The following NAV3 variants were observed in gnomAD, a reference collection of about 807,000 sequenced individuals.
The protein encoded by NAV3 is neuron navigator 3, also known as pore membrane and/or filament interacting like protein 1.
Under a neutral mutation model 244.7 loss-of-function variants are expected in NAV3, and 87 were observed. The observed-to-expected ratio is 0.36, with a 90% confidence interval of 0.30 to 0.42. The LOEUF is 0.42. NAV3 is among the 20% of genes least tolerant of loss of function. The pLI, the probability that NAV3 is intolerant of heterozygous loss-of-function variation, is 1.00. For missense variants in NAV3, 2,663 were observed against 2,893.3 expected (o/e 0.92, Z 1.83); for synonymous variants, 1,126 against 1,042.2 (o/e 1.08, Z -1.55).
chr12:77,623,771 C>A (rs951717430), intron 2 of NAV3, among the ~76,000 whole-genome samples: 2 of 152,072 alleles, frequency 1.3e-5, no homozygotes, highest in African/African-American at 4.8e-5. Flanking sequence ...AACATTTCAA[C>A]CTTTAAATCG....
At chr12:77,678,322 G>GC (rs1048173807) in intron 2 of NAV3, among the ~76,000 whole-genome samples, 3 of 151,804 alleles carry the variant, frequency 2.0e-5, no homozygotes, top group African/African-American at 4.8e-5. Flanking sequence ...ATTGACTGTT[G>GC]TTTTTTTTAA....
intron 9 of NAV3, chr12:78,036,283 T>G (rs1879863766): frequency 6.6e-6 from 1 of 152,324 alleles, no homozygotes; most frequent in Middle Eastern, 3.1e-3. Flanking sequence ...TACTAAAATG[T>G]AAGAGGCTTG....
At position 78,142,075 on chromosome 12, in the gene NAV3, T is replaced by C. The variant is rs970444330; in HGVS notation, c.4683+1741T>C. On this transcript the variant is annotated intron_variant, in intron 20 of 39. Transcript: ENST00000397909. ...GTGACTATAGTTAACAATAATTTATTGTACATTTCAAAATAGCTAGAAAAG... is the reference window on the plus strand; with the variant it reads ...GTGACTATAGTTAACAATAATTTATCGTACATTTCAAAATAGCTAGAAAAG... Among the ~76,000 whole-genome samples the C allele has an allele frequency of 2.2e-4, 34 of 152,136 alleles. 1 individual carries two copies. The highest frequency in any genetic ancestry group is 8.0e-4 in the African/African-American group (33 of 41,446).
Position 77,939,937 on chromosome 12 carries a change from T to C in NAV3, c.244-382T>C, listed in dbSNP as rs150895496. Among the ~76,000 whole-genome samples the C allele has an allele frequency of 1.4e-3, 206 of 152,348 alleles. 1 individual carries two copies. Among genetic ancestry groups the C allele is most frequent in the African/African-American group, 4.8e-3 (198 of 41,594 alleles). On this transcript the variant is annotated intron_variant, in intron 1 of 39. Coordinates refer to ENST00000397909, the MANE Select transcript of NAV3 (RefSeq NM_001024383.2). Reference sequence around the variant, plus strand: ...ACACAATTTTTTATAGTAATGTTTCTATGTAAATCAGTCCAGGTGGGTTTC... The same window carrying C: ...ACACAATTTTTTATAGTAATGTTTCCATGTAAATCAGTCCAGGTGGGTTTC...
intron 3 of NAV3, among the ~76,000 whole-genome samples, chr12:77,960,448 T>TACACACACAC (rs745583068): frequency 0.017 from 1,458 of 86,718 alleles, 13 homozygotes; most frequent in South Asian, 0.03. Flanking sequence ...TATATATATA[T>TACACACACAC]ATACACACAC....
chr12:77,869,028 A>G (rs529209522), intron 1 of NAV3, among the ~76,000 whole-genome samples: 3 of 149,956 alleles, frequency 2.0e-5, no homozygotes, highest in African/African-American at 7.4e-5. Flanking sequence ...ACCGAGATCG[A>G]GGTAAAAAAC....
At chr12:77,647,238 T>C (rs1156504278) in intron 2 of NAV3, among the ~76,000 whole-genome samples, 1 of 152,150 alleles carries the variant, frequency 6.6e-6, no homozygotes, top group African/African-American at 2.4e-5. Flanking sequence ...AAGCTAAGCA[T>C]GTAACTTATT....
At chr12:78,046,504 GGAGCA>G (rs1412188658) in intron 9 of NAV3, among the ~76,000 whole-genome samples, 1 of 152,166 alleles carries the variant, frequency 6.6e-6, no homozygotes, top group African/African-American at 2.4e-5. Context: ...TGGTCATTCA[GGAGCA>G]GGTTGTTCAG....
At chr12:78,103,911 A>G (rs956094511) in intron 12 of NAV3, among the ~76,000 whole-genome samples, 1 of 152,234 alleles carries the variant, frequency 6.6e-6, no homozygotes, top group Non-Finnish European at 1.5e-5. Flanking sequence ...GAGCCAAACT[A>G]TATCACATGG....
intron 3 of NAV3, among the ~76,000 whole-genome samples, chr12:77,941,905 AG>A (rs1889906430): frequency 6.6e-6 from 1 of 152,248 alleles, no homozygotes; most frequent in Admixed American, 6.5e-5. Flanking sequence ...TCTTCAGCAC[AG>A]AATAGGCATT....
chr12:77,953,505 T>G (rs890436364), intron 3 of NAV3, among the ~76,000 whole-genome samples: 3 of 152,184 alleles, frequency 2.0e-5, no homozygotes, highest in African/African-American at 7.2e-5. Context: ...TGCAAAATTT[T>G]TAATTACACC....
intron 1 of NAV3, among the ~76,000 whole-genome samples, chr12:77,870,673 G>A (rs1880817325): frequency 6.6e-6 from 1 of 152,244 alleles, no homozygotes; most frequent in Non-Finnish European, 1.5e-5. Context: ...AGTGAACAGA[G>A]TGGGAAAAAG....
chr12:77,868,831 A>T (rs182084710), intron 1 of NAV3, among the ~76,000 whole-genome samples: 1 of 151,402 alleles, frequency 6.6e-6, no homozygotes, highest in Non-Finnish European at 1.5e-5. Flanking sequence ...GTACTTTGGG[A>T]GGCCAAGGCG....
intron 2 of NAV3, among the ~76,000 whole-genome samples, chr12:77,820,518 C>A (rs934718866): frequency 6.6e-6 from 1 of 152,130 alleles, no homozygotes; most frequent in Non-Finnish European, 1.5e-5. Flanking sequence ...AGGCCACAAC[C>A]GCCAATATTG....
At position 78,131,872 on chromosome 12, in the gene NAV3, A is replaced by G. The variant is rs10506770; in HGVS notation, c.4441+3006A>G. Among the ~76,000 whole-genome samples the G allele has an allele frequency of 9.0e-3, 1,375 of 152,314 alleles. 15 individuals carry two copies. Among genetic ancestry groups the G allele is most frequent in the African/African-American group, 0.032 (1,316 of 41,568 alleles). ...ACTGGAAAGCATGTCTTACACGATC[A>G]TAGAGTAGCATTCATCAGATATGCC... On this transcript the variant is annotated intron_variant, in intron 18 of 39. Coordinates refer to ENST00000397909, the MANE Select transcript of NAV3 (RefSeq NM_001024383.2).
At chr12:77,875,214 G>T (rs573916353) in intron 1 of NAV3, among the ~76,000 whole-genome samples, 9 of 152,010 alleles carry the variant, frequency 5.9e-5, no homozygotes, top group Admixed American at 5.2e-4. Flanking sequence ...TGTTATTCTA[G>T]AATACCTCAT....
intron 12 of NAV3, among the ~76,000 whole-genome samples, chr12:78,063,876 G>A (rs780097896): frequency 1.5e-4 from 23 of 152,244 alleles, no homozygotes; most frequent in South Asian, 6.2e-4. Flanking sequence ...ACAAGGAGAC[G>A]AGAGACAAAG....
At chr12:77,656,789 T>G (rs1873128315) in intron 2 of NAV3, among the ~76,000 whole-genome samples, 1 of 151,576 alleles carries the variant, frequency 6.6e-6, no homozygotes, top group African/African-American at 2.4e-5. Flanking sequence ...AAACTAGAAC[T>G]CAGGATTAAG....
chr12:77,832,253 T>C lies in NAV3; in HGVS notation c.243+549T>C, dbSNP rs112360500. Among the ~76,000 whole-genome samples the C allele has an allele frequency of 5.2e-3, 791 of 152,316 alleles. 2 individuals carry two copies. Among genetic ancestry groups the C allele is most frequent in the South Asian group, 6.8e-3 (33 of 4,830 alleles). On this transcript the variant is annotated intron_variant, in intron 1 of 39. Coordinates refer to ENST00000397909, the MANE Select transcript of NAV3 (RefSeq NM_001024383.2). ...GCACATTTATATGGACTTTCCCTTG[T>C]AAACTGAAACGCTACTCTTTTACTT...
Sources: gnomAD v4.1 joint callset for allele counts (sites outside exome capture counted in the v4.1 genomes callset) on GRCh38, gnomAD v4.1.1 for gene constraint, MANE v1.5 for transcripts, NCBI Gene and HGNC (gene_info 2026-07-23, HGNC 2026-07-21) for gene names.